The following SLC5A3 variants were observed in gnomAD, a reference collection of about 807,000 sequenced individuals.
The protein encoded by SLC5A3 is sodium/myo-inositol cotransporter.
SLC5A3 carries 10 observed loss-of-function variants against 43.2 expected under a neutral mutation model. The observed-to-expected ratio is 0.23, with a 90% CI of 0.14 to 0.39. The LOEUF (loss-of-function observed/expected upper bound fraction) is 0.39. Among genes scored for constraint, SLC5A3 ranks in the 10% least tolerant of loss-of-function variants. The pLI is 1.00. For synonymous variants in SLC5A3, 349 were observed against 322.0 expected (o/e 1.08, Z -0.90); for missense variants, 608 against 893.4 (o/e 0.68, Z 4.07).
At chr21:34,075,289 C>T (rs1008210264) in intron 1 of SLC5A3, among the ~76,000 whole-genome samples, 1 of 152,182 alleles carries the variant, frequency 6.6e-6, no homozygotes, top group Non-Finnish European at 1.5e-5. Flanking sequence ...AATATTTGCT[C>T]ATTCTGTAAC....
chr21:34,099,917 T>G lies in SLC5A3; in HGVS notation c.*2562T>G, dbSNP rs1454469981. On this transcript the variant is annotated 3_prime_UTR_variant, in exon 2 of 2. Transcript: ENST00000381151. Reference sequence around the variant, plus strand: ...TCGAGTAAGTTTGTGAATTGCTGATTGCAACTTAATTCAGGGACCAGTCTT... The same window carrying G: ...TCGAGTAAGTTTGTGAATTGCTGATGGCAACTTAATTCAGGGACCAGTCTT... 1 of 349,778 alleles carries G rather than the reference T, an allele frequency of 2.9e-6. No individual in the cohort carries two copies. Among genetic ancestry groups the G allele is most frequent in the Admixed American group, 6.5e-5 (1 of 15,480 alleles). 21.7% of individuals were successfully genotyped at this position (349,778 alleles called of 1,614,324 possible).
Position 34,103,563 on chromosome 21 carries a change from C to T in SLC5A3, c.*6208C>T, listed in dbSNP as rs1389691032. The T allele has an allele frequency of 7.0e-6, 7 of 999,894 alleles. No homozygotes were observed. Among genetic ancestry groups the T allele is most frequent in the Non-Finnish European group, 8.4e-6 (7 of 829,922 alleles). 61.9% of individuals were successfully genotyped at this position (999,894 alleles called of 1,614,324 possible). ...TATTCCATGATAGAAAGCTAAAGTC[C>T]ATAGAAAGCACAAAATCGTGTTCAC... On this transcript the variant is annotated 3_prime_UTR_variant, in exon 2 of 2. Coordinates refer to ENST00000381151, the MANE Select transcript of SLC5A3 (RefSeq NM_006933.7).
rs146893213 is a variant in SLC5A3 at position 34,096,602 on chromosome 21, A to T, written c.1404A>T (p.Gln468His). The T allele has an allele frequency of 6.2e-7, 1 of 1,614,084 alleles. No homozygotes were observed. The highest frequency in any genetic ancestry group is 1.3e-5 in the African/African-American group (1 of 75,012). Residue 468 changes from glutamine (Q) to histidine (H), a missense_variant, in exon 2 of 2, where the codon CAA becomes CAT. Transcript: ENST00000381151. This position sits in a 1 kb window ranked among gnomAD's most constrained non-coding sequence, Gnocchi z 5.9. ...TTTTCTGGAAGCGCTGCAATGAACA[A>T]GGGGCTTTCTATGGTGGAATGGCTG... ...LAIFWKRCNE[Q>H]GAFYGGMAGF... is the part of the protein sequence containing the mutation.
chr21:34,093,245 T>TG (rs1978798758), intron 1 of SLC5A3, among the ~76,000 whole-genome samples: 1 of 152,044 alleles, frequency 6.6e-6, no homozygotes, highest in African/African-American at 2.4e-5. Flanking sequence ...AAGATTTTTT[T>TG]TTTTTTTTTT....
intron 1 of SLC5A3, among the ~76,000 whole-genome samples, chr21:34,081,998 CT>C (rs1214095779): frequency 6.7e-6 from 1 of 149,060 alleles, no homozygotes; most frequent in Non-Finnish European, 1.5e-5. Flanking sequence ...GTTTTGCCAG[CT>C]TTTTTTTTCT....
Position 34,102,254 on chromosome 21 carries a change from C to T in SLC5A3, c.*4899C>T, listed in dbSNP as rs982028104. 1 of 999,774 alleles carries T rather than the reference C, an allele frequency of 1.0e-6. No homozygotes were observed. The highest frequency in any genetic ancestry group is 1.7e-5 in the African/African-American group (1 of 57,220). 61.9% of individuals were successfully genotyped at this position (999,774 alleles called of 1,614,324 possible). A position where few individuals can be genotyped will look rare whatever the true frequency, so the allele number is the denominator to read the frequency against. ...GCTTTGCCAGTGGTGAGTCCCACACCATTATTCACTTAGTAGTCATATAAA... is the reference window on the plus strand; with the variant it reads ...GCTTTGCCAGTGGTGAGTCCCACACTATTATTCACTTAGTAGTCATATAAA... On this transcript the variant is annotated 3_prime_UTR_variant, in exon 2 of 2. Transcript: ENST00000381151.
rs1979023919 is a variant in SLC5A3 at position 34,097,552 on chromosome 21, C to G, written c.*197C>G. The G allele has an allele frequency of 7.3e-7, 1 of 1,377,322 alleles. No homozygotes were observed. The highest frequency in any genetic ancestry group is 1.9e-5 in the South Asian group (1 of 53,578). The allele number at this position is 1,377,322 out of a possible 1,614,324, so 85.3% of individuals were successfully genotyped here. On this transcript the variant is annotated 3_prime_UTR_variant, in exon 2 of 2. Transcript: ENST00000381151. Reference sequence around the variant, plus strand: ...AAGTAAATCTTCAACTTAAGTGAAGCCAAACCTAACAGACTGAATTGTGCA... The same window carrying G: ...AAGTAAATCTTCAACTTAAGTGAAGGCAAACCTAACAGACTGAATTGTGCA...
In SLC5A3 at chr21:34,100,200, C is replaced by T; in HGVS notation, c.*2845C>T. On this transcript the variant is annotated 3_prime_UTR_variant, in exon 2 of 2. Coordinates refer to ENST00000381151, the MANE Select transcript of SLC5A3 (RefSeq NM_006933.7). ...AAGGTAGAGAAAAATAAATGTCTTA[C>T]CAGGTGTTAATGGTATCCCCAGTTC... 2 of 1,000,136 alleles carry T rather than the reference C, an allele frequency of 2.0e-6. No individual in the cohort carries two copies. Among genetic ancestry groups the T allele is most frequent in the Non-Finnish European group, 1.2e-6 (1 of 829,936 alleles). 62.0% of individuals were successfully genotyped at this position (1,000,136 alleles called of 1,614,324 possible). A position where few individuals can be genotyped will look rare whatever the true frequency, so the allele number is the denominator to read the frequency against.
In SLC5A3 at chr21:34,103,386, C is replaced by G; in HGVS notation, c.*6031C>G. The stretch of plus-strand genomic sequence containing the variant: ...AGCCTTTATTTAGGTTCAGTGAAAC[C>G]AGGTAGTTCTGTATTTGTGTTGTAG... On this transcript the variant is annotated 3_prime_UTR_variant, in exon 2 of 2. Transcript: ENST00000381151. The G allele has an allele frequency of 1.0e-6, 1 of 995,566 alleles. No homozygotes were observed. The highest frequency in any genetic ancestry group is 1.2e-6 in the Non-Finnish European group (1 of 827,658). The allele number at this position is 995,566 out of a possible 1,614,324, so 61.7% of individuals were successfully genotyped here.
rs538685744 is a variant in SLC5A3, at chr21:34,099,921, A to G, written c.*2566A>G. 86 of 360,250 alleles carry G rather than the reference A, an allele frequency of 2.4e-4. No homozygotes were observed. The highest frequency in any genetic ancestry group is 1.4e-3 in the Admixed American group (21 of 15,510). The allele number at this position is 360,250 out of a possible 1,614,324, so 22.3% of individuals were successfully genotyped here. A position where few individuals can be genotyped will look rare whatever the true frequency, so the allele number is the denominator to read the frequency against. On this transcript the variant is annotated 3_prime_UTR_variant, in exon 2 of 2. Transcript: ENST00000381151. Reference sequence around the variant, plus strand: ...GTAAGTTTGTGAATTGCTGATTGCAACTTAATTCAGGGACCAGTCTTCAAT... The same window carrying G: ...GTAAGTTTGTGAATTGCTGATTGCAGCTTAATTCAGGGACCAGTCTTCAAT...
In SLC5A3 at chr21:34,102,592, GACTTAA is replaced by G. The variant is rs1468713726; in HGVS notation, c.*5240_*5245del. ...GTACCATACATAGTCTGAGGCTATT[GACTTAA>G]ACCAATAACTGTACTTTATGTAATG... On this transcript the variant is annotated 3_prime_UTR_variant, in exon 2 of 2. Coordinates refer to ENST00000381151, the MANE Select transcript of SLC5A3 (RefSeq NM_006933.7). 6.0e-6 allele frequency: 6 copies of G among 999,966 alleles called. No homozygotes were observed. The highest frequency in any genetic ancestry group is 3.5e-5 in the African/African-American group (2 of 57,222). 61.9% of individuals were successfully genotyped at this position (999,966 alleles called of 1,614,324 possible).
intron 1 of SLC5A3, among the ~76,000 whole-genome samples, chr21:34,092,597 A>G (rs1455412781): frequency 6.6e-6 from 1 of 152,234 alleles, no homozygotes; most frequent in African/African-American, 2.4e-5. Context: ...AGCAGAATAT[A>G]GCTTCTATAT....
At chr21:34,074,790 G>T (rs996872362) in intron 1 of SLC5A3, among the ~76,000 whole-genome samples, 5 of 152,210 alleles carry the variant, frequency 3.3e-5, no homozygotes, top group African/African-American at 9.6e-5. Flanking sequence ...TTGAAATTAG[G>T]CTCCAGGTCA....
rs556826923 is a variant in SLC5A3 at position 34,086,986 on chromosome 21, A to T, written c.-336-7877A>T. On this transcript the variant is annotated intron_variant, in intron 1 of 1. Coordinates refer to ENST00000381151, the MANE Select transcript of SLC5A3 (RefSeq NM_006933.7). ...AGGGAAGGTCTGCACATATCACTGC[A>T]CACTAAGAGGTGGATGTCGACAGTT... 2.0e-4 allele frequency among the ~76,000 whole-genome samples: 30 copies of T among 152,274 alleles called. No homozygotes were observed. In the South Asian group the frequency reaches 6.2e-3, roughly 32 times the overall value.
Position 34,073,621 on chromosome 21 carries a change from C to G in SLC5A3, c.-461C>G. ...CCGTCCGGCGCAGCAGTTTCTAGGTCCCCACTGTCCCCGCCGTCCCGCCCC... is the reference window on the plus strand; with the variant it reads ...CCGTCCGGCGCAGCAGTTTCTAGGTGCCCACTGTCCCCGCCGTCCCGCCCC... On this transcript the variant is annotated 5_prime_UTR_variant, in exon 1 of 2. Transcript: ENST00000381151. 1 of 1,270,136 alleles carries G rather than the reference C, an allele frequency of 7.9e-7. No homozygotes were observed. Among genetic ancestry groups the G allele is most frequent in the South Asian group, 1.3e-5 (1 of 78,168 alleles). The allele number at this position is 1,270,136 out of a possible 1,614,324, so 78.7% of individuals were successfully genotyped here.
chr21:34,090,324 G>A (rs144023659), intron 1 of SLC5A3, among the ~76,000 whole-genome samples: 2 of 152,334 alleles, frequency 1.3e-5, no homozygotes, highest in South Asian at 2.1e-4. Context: ...TGCATCAAGC[G>A]TTAGTAGTCT....
In SLC5A3 at chr21:34,081,257, A is replaced by AG. The variant is rs1466067936; in HGVS notation, c.-337+7514dup. Among the ~76,000 whole-genome samples, 19 of 152,256 alleles carry AG rather than the reference A, an allele frequency of 1.2e-4. No individual in the cohort carries two copies. The South Asian group carries it at 3.7e-3, about 30-fold the overall frequency. On this transcript the variant is annotated intron_variant, in intron 1 of 1. Coordinates refer to ENST00000381151, the MANE Select transcript of SLC5A3 (RefSeq NM_006933.7). ...GTAGATGTCGCTTAGATCAAGCAGA[A>AG]GGAACTCAAATCATCAGGGAACTCC...
intron 1 of SLC5A3, among the ~76,000 whole-genome samples, chr21:34,074,023 C>T (rs1248824173): frequency 6.8e-6 from 1 of 146,750 alleles, no homozygotes; most frequent in Non-Finnish European, 1.5e-5. Context: ...GGGGGCGGGG[C>T]GGACCGAGCG....
In SLC5A3 at chr21:34,099,391, T is replaced by C. The variant is rs1979127615; in HGVS notation, c.*2036T>C. Reference sequence around the variant, plus strand: ...TGGACAAATGGTTGTCAATGTTTTGTCCTGTTTTTTCAAAGGAACTGTTCT... The same window carrying C: ...TGGACAAATGGTTGTCAATGTTTTGCCCTGTTTTTTCAAAGGAACTGTTCT... On this transcript the variant is annotated 3_prime_UTR_variant, in exon 2 of 2. Coordinates refer to ENST00000381151, the MANE Select transcript of SLC5A3 (RefSeq NM_006933.7). The C allele has an allele frequency of 1.0e-6, 1 of 1,000,266 alleles. No individual in the cohort carries two copies. The highest frequency in any genetic ancestry group is 1.2e-6 in the Non-Finnish European group (1 of 829,968). 62.0% of individuals were successfully genotyped at this position (1,000,266 alleles called of 1,614,324 possible).
Sources: allele counts gnomAD v4.1 joint callset (sites outside exome capture counted in the v4.1 genomes callset), GRCh38; gene constraint gnomAD v4.1.1; non-coding constraint Gnocchi (gnomAD v3.1); transcripts MANE v1.5; gene names NCBI Gene and HGNC (gene_info 2026-07-23, HGNC 2026-07-21).